RARB: variants seen among roughly 807,000 people sequenced by gnomAD.
The protein encoded by RARB is retinoic acid receptor beta, also known as HBV-activated protein.
RARB carries 17 observed loss-of-function variants against 51.9 expected under a neutral mutation model. That is an observed-to-expected ratio of 0.33 (90% CI 0.22 to 0.49). The LOEUF is 0.49. Among genes scored for constraint, RARB ranks in the 20% least tolerant of loss-of-function variants. The pLI is 0.99. For missense variants in RARB, 369 were observed against 550.8 expected (o/e 0.67, Z 3.30); for synonymous variants, 215 against 195.4 (o/e 1.10, Z -0.84).
Position 25,239,991 on chromosome 3 carries a change from T to C in RARB, c.178+65416T>C, listed in dbSNP as rs141057987. On this transcript the variant is annotated intron_variant, in intron 5 of 11. Transcript: ENST00000383772. ...CATCAGTGTTTGGTAGCTTTCCTTG[T>C]AGTGGTCTTTCAATTCCTTGGTTAA... is the stretch of plus-strand genomic sequence containing the variant. Among the ~76,000 whole-genome samples, 68 of 152,200 alleles carry C rather than the reference T, an allele frequency of 4.5e-4. No individual in the cohort carries two copies. In the East Asian group the frequency reaches 9.3e-3, roughly 21 times the overall value.
At chr3:25,317,085 G>GTATTAAAAGTATTA (rs59448581) in intron 5 of RARB, among the ~76,000 whole-genome samples, 1 of 151,220 alleles carries the variant, frequency 6.6e-6, no homozygotes, top group Non-Finnish European at 1.5e-5. Flanking sequence ...TATAAGTCGT[G>GTATTAAAAGTATTA]TAAAAGAATA....
chr3:25,274,119 A>G (rs1417532791), intron 5 of RARB, among the ~76,000 whole-genome samples: 1 of 152,228 alleles, frequency 6.6e-6, no homozygotes, highest in Non-Finnish European at 1.5e-5. Context: ...TGATCACCAC[A>G]TTAAGAAAAA....
At position 25,428,632 on chromosome 3, in the gene RARB, AAG is replaced by A; in HGVS notation, c.-99_-98del. ...AAGACCAACAGCCTACGTGCCAAAA[AAG>A]GGGCAGAGTTTGATGGAGTTGGGTG... On this transcript the variant is annotated 5_prime_UTR_variant, in exon 1 of 8. The change abolishes the stop of an existing upstream ORF in the 5' untranslated region. Coordinates refer to ENST00000330688, the MANE Select transcript of RARB (RefSeq NM_000965.5). The A allele has an allele frequency of 1.4e-6, 2 of 1,448,664 alleles. No homozygotes were observed. The highest frequency in any genetic ancestry group is 4.6e-4 in the Middle Eastern group (2 of 4,328). 89.7% of individuals were successfully genotyped at this position (1,448,664 alleles called of 1,614,324 possible).
At chr3:25,553,784 C>G (rs1259112150) in intron 3 of RARB, among the ~76,000 whole-genome samples, 1 of 152,194 alleles carries the variant, frequency 6.6e-6, no homozygotes, top group Non-Finnish European at 1.5e-5. Context: ...CATCCAACAT[C>G]TCTCAGGCAC....
At chr3:25,191,694 A>T (rs534177040) in intron 5 of RARB, among the ~76,000 whole-genome samples, 1 of 152,118 alleles carries the variant, frequency 6.6e-6, no homozygotes, top group Non-Finnish European at 1.5e-5. Flanking sequence ...TCTTCCATCT[A>T]TGCAAGGATT....
intron 5 of RARB, among the ~76,000 whole-genome samples, chr3:25,337,980 G>T (rs1192112487): frequency 6.6e-6 from 1 of 151,980 alleles, no homozygotes; most frequent in Non-Finnish European, 1.5e-5. Flanking sequence ...TCTAAAAACT[G>T]TAATTTATCT....
intron 5 of RARB, among the ~76,000 whole-genome samples, chr3:25,245,922 T>G (rs1199844133): frequency 6.6e-6 from 1 of 152,194 alleles, no homozygotes; most frequent in Non-Finnish European, 1.5e-5. Context: ...TTTTCCAACT[T>G]AATTCCATTT....
intron 1 of RARB, among the ~76,000 whole-genome samples, chr3:24,842,960 G>A (rs890510984): frequency 6.6e-6 from 1 of 152,194 alleles, no homozygotes; most frequent in African/African-American, 2.4e-5. Flanking sequence ...TTCTCAGACT[G>A]GAAGAGATCT....
intron 2 of RARB, among the ~76,000 whole-genome samples, chr3:25,000,789 C>T (rs1042999172): frequency 6.6e-6 from 1 of 152,138 alleles, no homozygotes; most frequent in East Asian, 1.9e-4. Context: ...TGTACTCTTA[C>T]AAATACTACA....
At position 25,421,387 on chromosome 3, in the gene RARB, C is replaced by T. The variant is rs151165277; in HGVS notation, c.179-39806C>T. On this transcript the variant is annotated intron_variant, in intron 5 of 11. Coordinates refer to the RARB transcript ENST00000383772. Reference sequence around the variant, plus strand: ...TTTGTCCTTGCAGACATTGCACTAACATTTTTTCTTCTTTTCTTTTTTTTT... The same window carrying T: ...TTTGTCCTTGCAGACATTGCACTAATATTTTTTCTTCTTTTCTTTTTTTTT... Among the ~76,000 whole-genome samples the T allele has an allele frequency of 4.7e-3, 616 of 132,464 alleles. 7 individuals are homozygous for T. Among genetic ancestry groups the T allele is most frequent in the African/African-American group, 0.017 (589 of 34,282 alleles). The allele number at this position is 132,464 out of a possible 152,430, so 86.9% of individuals were successfully genotyped here. A position where few individuals can be genotyped will look rare whatever the true frequency, so the allele number is the denominator to read the frequency against.
At chr3:25,037,381 G>A (rs1299065526) in intron 2 of RARB, among the ~76,000 whole-genome samples, 1 of 151,906 alleles carries the variant, frequency 6.6e-6, no homozygotes, top group Admixed American at 6.6e-5. Flanking sequence ...GGAGGGAGGA[G>A]GGAGGTTTGT....
At chr3:24,885,275 A>C (rs1027483189) in intron 2 of RARB, among the ~76,000 whole-genome samples, 4 of 152,122 alleles carry the variant, frequency 2.6e-5, no homozygotes, top group Non-Finnish European at 4.4e-5. Context: ...AGGAACCTTT[A>C]AGTGGCTGAA....
At chr3:24,983,349 A>G (rs1460957525) in intron 2 of RARB, among the ~76,000 whole-genome samples, 5 of 150,836 alleles carry the variant, frequency 3.3e-5, no homozygotes, top group Admixed American at 3.3e-4. Context: ...CCCTGGTTTT[A>G]TGGTAAGACT....
intron 5 of RARB, among the ~76,000 whole-genome samples, chr3:25,375,075 A>G (rs1706418890): frequency 6.6e-6 from 1 of 152,226 alleles, no homozygotes; most frequent in Non-Finnish European, 1.5e-5. Flanking sequence ...GTCAACAAAC[A>G]ATGAAAAATC....
chr3:24,873,070 A>G (rs1702977053), intron 2 of RARB, among the ~76,000 whole-genome samples: 2 of 152,212 alleles, frequency 1.3e-5, no homozygotes, highest in African/African-American at 4.8e-5. Context: ...CAGACAATAC[A>G]TTTTTTAAAA....
rs374561243 is a variant in RARB, at chr3:25,005,189, G to A, written c.-379-54936G>A. Among the ~76,000 whole-genome samples the A allele has an allele frequency of 4.6e-5, 7 of 152,246 alleles. No individual in the cohort carries two copies. The South Asian group carries it at 1.2e-3, about 27-fold the overall frequency. On this transcript the variant is annotated intron_variant, in intron 2 of 11. Coordinates refer to the RARB transcript ENST00000383772. ...ATTGCCACTTCTCTTGAATGAAATA[G>A]CCTCCTAGCTAGTCTGATCCTATAC...
intron 5 of RARB, among the ~76,000 whole-genome samples, chr3:25,312,596 A>G (rs1704316756): frequency 6.6e-6 from 1 of 152,234 alleles, no homozygotes; most frequent in South Asian, 2.1e-4. Context: ...TGGAGCAGAC[A>G]TTGCAAATAG....
chr3:25,469,692 C>G (rs114325611), intron 2 of RARB, among the ~76,000 whole-genome samples: 1 of 152,264 alleles, frequency 6.6e-6, no homozygotes, highest in Admixed American at 6.5e-5. Flanking sequence ...TGAGACAGCT[C>G]CAGGATATAG....
rs73147311 is a variant in RARB at position 25,197,702 on chromosome 3, A to G, written c.178+23127A>G. Among the ~76,000 whole-genome samples the G allele has an allele frequency of 4.5e-3, 691 of 152,150 alleles. 8 individuals are homozygous for G. The highest frequency in any genetic ancestry group is 0.016 in the African/African-American group (647 of 41,536). On this transcript the variant is annotated intron_variant, in intron 5 of 11. Coordinates refer to the RARB transcript ENST00000383772. Reference sequence around the variant, plus strand: ...TTTCTTGATTTCAATAGTTACAAATAAAATAAAATACCTAGGAGTAAACCA... The same window carrying G: ...TTTCTTGATTTCAATAGTTACAAATGAAATAAAATACCTAGGAGTAAACCA...
Sources: gnomAD v4.1 joint callset for allele counts (sites outside exome capture counted in the v4.1 genomes callset) on GRCh38, gnomAD v4.1.1 for gene constraint, MANE v1.5 for transcripts, NCBI Gene and HGNC (gene_info 2026-07-23, HGNC 2026-07-21) for gene names.